The following ROBO2 variants were observed in gnomAD, a reference collection of about 807,000 sequenced individuals.
The protein encoded by ROBO2 is roundabout homolog 2.
ROBO2 carries 53 observed loss-of-function variants against 160.8 expected under a neutral mutation model. That is an observed-to-expected ratio of 0.33 (90% confidence interval 0.26 to 0.41). ROBO2 has a LOEUF of 0.41. ROBO2 is among the 10% of genes least tolerant of loss of function. ROBO2 has a pLI of 1.00. For missense variants in ROBO2, 1,577 were observed against 1,722.4 expected (o/e 0.92, Z 1.49); for synonymous variants, 664 against 611.7 (o/e 1.09, Z -1.26).
chr3:75,937,730 G>A (rs1947850340), intron 2 of ROBO2: 2 of 484,250 alleles, frequency 4.1e-6, no homozygotes, highest in Non-Finnish European at 3.7e-6. Context: ...TTTGTTACAC[G>A]GTATTGTAAT....
intron 2 of ROBO2, among the ~76,000 whole-genome samples, chr3:76,035,509 AGG>A (rs770456858): frequency 3.3e-5 from 5 of 151,950 alleles, no homozygotes; most frequent in Non-Finnish European, 2.9e-5. Flanking sequence ...GATTTTCTCC[AGG>A]GTAGATTTTC....
chr3:77,611,793 C>T (rs1480670370), intron 21 of ROBO2, among the ~76,000 whole-genome samples: 1 of 152,090 alleles, frequency 6.6e-6, no homozygotes, highest in Non-Finnish European at 1.5e-5. Flanking sequence ...ACAATGATGG[C>T]AATGTTTTCT....
chr3:76,108,753 A>T (rs547368433), intron 2 of ROBO2, among the ~76,000 whole-genome samples: 177 of 151,486 alleles, frequency 1.2e-3, no homozygotes, highest in African/African-American at 2.7e-3. Context: ...AATTCTGTTG[A>T]TAGAATTTAA....
At chr3:77,376,529 TCA>T (rs2072697188) in intron 2 of ROBO2, among the ~76,000 whole-genome samples, 1 of 152,132 alleles carries the variant, frequency 6.6e-6, no homozygotes, top group African/African-American at 2.4e-5. Context: ...AGTTAAAATA[TCA>T]CAAGGTATCA....
At chr3:76,690,511 C>A (rs2092778467) in intron 2 of ROBO2, among the ~76,000 whole-genome samples, 1 of 152,028 alleles carries the variant, frequency 6.6e-6, no homozygotes, top group Admixed American at 6.6e-5. Flanking sequence ...AAACCTGCCT[C>A]CATATTGATC....
chr3:76,946,590 A>C (rs2078559265), intron 2 of ROBO2, among the ~76,000 whole-genome samples: 1 of 151,826 alleles, frequency 6.6e-6, no homozygotes, highest in African/African-American at 2.4e-5. Flanking sequence ...GGCGCCCACC[A>C]CGGCATCCGG....
chr3:76,872,467 T>C (rs1412501399), intron 2 of ROBO2, among the ~76,000 whole-genome samples: 1 of 152,086 alleles, frequency 6.6e-6, no homozygotes, highest in Non-Finnish European at 1.5e-5. Flanking sequence ...GCTTTGGAAG[T>C]TAAGCAGCTC....
chr3:77,298,667 A>C (rs555878817), intron 2 of ROBO2, among the ~76,000 whole-genome samples: 3 of 152,310 alleles, frequency 2.0e-5, no homozygotes, highest in African/African-American at 7.2e-5. Flanking sequence ...ACAGCAAGTT[A>C]TCCTCAGCAG....
chr3:76,059,171 G>T (rs1356376786), intron 2 of ROBO2, among the ~76,000 whole-genome samples: 2 of 151,566 alleles, frequency 1.3e-5, no homozygotes, highest in African/African-American at 4.9e-5. Flanking sequence ...ACCCAGTAAT[G>T]GGATGGCTGG....
chr3:77,112,528 G>A (rs1376991535), intron 2 of ROBO2, among the ~76,000 whole-genome samples: 5 of 151,964 alleles, frequency 3.3e-5, no homozygotes, highest in Non-Finnish European at 5.9e-5. Context: ...ACAGGCGTGA[G>A]CCACCGCGCC....
At chr3:76,123,528 C>G (rs2070839420) in intron 2 of ROBO2, among the ~76,000 whole-genome samples, 1 of 152,074 alleles carries the variant, frequency 6.6e-6, no homozygotes, top group African/African-American at 2.4e-5. Flanking sequence ...CTGCAAATAA[C>G]AAACTGGTTA....
chr3:75,966,268 C>T (rs1292633612), intron 2 of ROBO2, among the ~76,000 whole-genome samples: 6 of 62,842 alleles, frequency 9.5e-5, no homozygotes, highest in Non-Finnish European at 2.4e-4. Context: ...GCCTAAATAA[C>T]GTTTTTTTTT....
At chr3:77,324,110 A>G (rs1560535770) in intron 2 of ROBO2, among the ~76,000 whole-genome samples, 1 of 152,198 alleles carries the variant, frequency 6.6e-6, no homozygotes, top group African/African-American at 2.4e-5. Flanking sequence ...CTTTAGATTA[A>G]TGGTCACAGA....
rs1277120670 is a variant in ROBO2 at position 76,398,125 on chromosome 3, G to C, written c.109+460523G>C. Among the ~76,000 whole-genome samples, 457 of 150,472 alleles carry C rather than the reference G, an allele frequency of 3.0e-3. 2 individuals carry two copies. Among genetic ancestry groups the C allele is most frequent in the Non-Finnish European group, 5.2e-3 (353 of 67,380 alleles). On this transcript the variant is annotated intron_variant, in intron 2 of 26. Transcript: ENST00000487694. The stretch of plus-strand genomic sequence containing the variant: ...ATTAAGAAAATGTGGCACATATACA[G>C]CATGGAATACTATGCAGCCATAAAA...
chr3:76,787,327 A>C (rs941197408), intron 2 of ROBO2, among the ~76,000 whole-genome samples: 5 of 85,974 alleles, frequency 5.8e-5, no homozygotes, highest in Non-Finnish European at 8.9e-5. Flanking sequence ...ATGTAAACAC[A>C]CCACACACAC....
intron 2 of ROBO2, among the ~76,000 whole-genome samples, chr3:76,555,437 G>GGGAAGA (rs59350425): frequency 0.016 from 843 of 52,484 alleles, 19 homozygotes; most frequent in African/African-American, 0.031. Flanking sequence ...GAAGGGGAAG[G>GGGAAGA]GGAAGAGGAA....
intron 2 of ROBO2, among the ~76,000 whole-genome samples, chr3:76,216,015 TA>T (rs1703498878): frequency 1.3e-5 from 2 of 152,146 alleles, no homozygotes; most frequent in South Asian, 4.1e-4. Context: ...TCAACATTCT[TA>T]AAGGAAAGAA....
chr3:76,944,693 G>A (rs936934909), intron 2 of ROBO2, among the ~76,000 whole-genome samples: 2 of 152,094 alleles, frequency 1.3e-5, no homozygotes, highest in Admixed American at 6.6e-5. Context: ...ATAAAGCTTA[G>A]ACAGTTATAT....
At chr3:76,552,847 G>T (rs1179634089) in intron 2 of ROBO2, among the ~76,000 whole-genome samples, 1 of 152,210 alleles carries the variant, frequency 6.6e-6, no homozygotes, top group Non-Finnish European at 1.5e-5. Context: ...AGTAATGGGA[G>T]TGTGAGGGAT....
Sources: allele counts gnomAD v4.1 joint callset (sites outside exome capture counted in the v4.1 genomes callset), GRCh38; gene constraint gnomAD v4.1.1; transcripts MANE v1.5; gene names NCBI Gene and HGNC (gene_info 2026-07-23, HGNC 2026-07-21).